PIAS2: variants seen among roughly 807,000 people sequenced by gnomAD.
PIAS2 encodes the protein E3 SUMO-protein ligase PIAS2.
A neutral mutation model predicts 69.7 loss-of-function variants in PIAS2; 19 were observed. That is an observed-to-expected ratio of 0.27 (90% CI 0.19 to 0.40). The LOEUF (loss-of-function observed/expected upper bound fraction) is 0.40. Ranked by LOEUF, PIAS2 falls within the 10% of genes least tolerant of loss-of-function variation. The pLI is 1.00. For synonymous variants in PIAS2, 261 were observed against 263.2 expected (o/e 0.99, Z 0.08); for missense variants, 624 against 757.0 (o/e 0.82, Z 2.06).
At chr18:46,845,030 T>C in intron 6 of PIAS2, 191 bp from the exon 7 acceptor site, 1 of 371,446 alleles carries the variant, frequency 2.7e-6, no homozygotes, top group East Asian at 4.2e-5. Context: ...TCAATCATTT[T>C]AAAGGTATTT....
intron 2 of PIAS2, among the ~76,000 whole-genome samples, chr18:46,871,714 G>A (rs2050387451): frequency 6.6e-6 from 1 of 152,110 alleles, no homozygotes; most frequent in African/African-American, 2.4e-5. Flanking sequence ...AGAACTTTTT[G>A]TCTTGGGGGT....
intron 11 of PIAS2, among the ~76,000 whole-genome samples, chr18:46,822,222 T>C (rs1445461257): frequency 6.6e-6 from 1 of 152,192 alleles, no homozygotes; most frequent in East Asian, 1.9e-4. Flanking sequence ...TGGATATCAA[T>C]ACAAATGTGG....
rs192398323 is a variant in PIAS2 at position 46,866,861 on chromosome 18, G to A, written c.500-2613C>T. Among the ~76,000 whole-genome samples, 519 of 152,172 alleles carry A rather than the reference G, an allele frequency of 3.4e-3. 1 individual carries two copies. Among genetic ancestry groups the A allele is most frequent in the Middle Eastern group, 0.01 (3 of 294 alleles). On this transcript the variant is annotated intron_variant, in intron 2 of 13. Transcript: ENST00000585916. ...ATCCACTCTTAGCGTGCCACAAGCA[G>A]CAGGTATCTACACCTGTAAAGTTGG...
At chr18:46,842,465 A>G (rs1164849910) in intron 8 of PIAS2, among the ~76,000 whole-genome samples, 16 of 152,264 alleles carry the variant, frequency 1.1e-4, no homozygotes, top group East Asian at 1.9e-4. Flanking sequence ...TCTTCCTGAT[A>G]CAATAGTTTG....
intron 8 of PIAS2, among the ~76,000 whole-genome samples, chr18:46,838,830 A>G (rs1161189741): frequency 6.6e-6 from 1 of 152,164 alleles, no homozygotes; most frequent in African/African-American, 2.4e-5. Flanking sequence ...CTATATCACA[A>G]ATCCAAATGG....
At chr18:46,830,015 A>G in intron 9 of PIAS2, 148 bp from the exon 10 acceptor site, 3 of 631,678 alleles carry the variant, frequency 4.7e-6, no homozygotes, top group Middle Eastern at 4.1e-4. Context: ...ACTTTACAAC[A>G]ATTATTACAC....
At chr18:46,907,690 T>C (rs762783492) in intron 1 of PIAS2, 4 of 152,310 alleles carry the variant, frequency 2.6e-5, no homozygotes, top group Non-Finnish European at 5.9e-5. Context: ...CTTATACGCA[T>C]ATTTTTTTTT....
intron 8 of PIAS2, among the ~76,000 whole-genome samples, chr18:46,839,863 CAA>C (rs58855520): frequency 6.5e-4 from 46 of 70,612 alleles, no homozygotes; most frequent in Admixed American, 9.5e-4. Context: ...AAAACTCTGT[CAA>C]AAAAAAAAAA....
At chr18:46,869,544 T>C (rs1387695471) in intron 2 of PIAS2, among the ~76,000 whole-genome samples, 2 of 152,172 alleles carry the variant, frequency 1.3e-5, no homozygotes, top group African/African-American at 2.4e-5. Context: ...ACATGTGGCA[T>C]TGAGCCTCAC....
intron 5 of PIAS2, among the ~76,000 whole-genome samples, chr18:46,850,690 C>T (rs1414132469): frequency 6.6e-6 from 1 of 152,160 alleles, no homozygotes; most frequent in Non-Finnish European, 1.5e-5. Context: ...CAGGGGATGT[C>T]AGCCTGATTC....
intron 2 of PIAS2, among the ~76,000 whole-genome samples, chr18:46,882,531 A>G (rs1474768670): frequency 6.6e-6 from 1 of 152,226 alleles, no homozygotes; most frequent in African/African-American, 2.4e-5. Flanking sequence ...CCGGGCATTT[A>G]TCCTTCATAT....
chr18:46,816,800 T>C (rs1027467465), intron 12 of PIAS2: 1 of 984,780 alleles, frequency 1.0e-6, no homozygotes, highest in African/African-American at 1.7e-5. Flanking sequence ...TGTCTGTCAC[T>C]AGCTATATGA....
chr18:46,839,475 T>C (rs1411292150), intron 8 of PIAS2, among the ~76,000 whole-genome samples: 7 of 152,226 alleles, frequency 4.6e-5, no homozygotes, highest in Non-Finnish European at 5.9e-5. Context: ...AGTACCTATT[T>C]GTCAATTTTT....
At chr18:46,865,424 C>A (rs933747234) in intron 2 of PIAS2, among the ~76,000 whole-genome samples, 2 of 151,690 alleles carry the variant, frequency 1.3e-5, no homozygotes, top group Non-Finnish European at 2.9e-5. Context: ...CCTGTAATCC[C>A]AGCTACTCCA....
At chr18:46,883,155 C>T (rs558918746) in intron 2 of PIAS2, among the ~76,000 whole-genome samples, 3 of 151,216 alleles carry the variant, frequency 2.0e-5, no homozygotes, top group East Asian at 1.9e-4. Flanking sequence ...ATAACACAAG[C>T]GGAGAAAAAA....
intron 12 of PIAS2, chr18:46,818,209 C>T: frequency 8.4e-7 from 1 of 1,196,042 alleles, no homozygotes; most frequent in Non-Finnish European, 1.0e-6. Context: ...ATAACTGCTA[C>T]ATGATTAAAT....
intron 1 of PIAS2, among the ~76,000 whole-genome samples, chr18:46,902,022 A>C (rs1259353789): frequency 6.6e-6 from 1 of 152,200 alleles, no homozygotes; most frequent in Non-Finnish European, 1.5e-5. Context: ...GAAAATCTCA[A>C]CAAATCTACA....
chr18:46,836,607 A>G, intron 8 of PIAS2, 90 bp from the exon 9 acceptor site: 1 of 786,840 alleles, frequency 1.3e-6, no homozygotes, highest in African/African-American at 1.7e-5. Flanking sequence ...GGAAGATGTC[A>G]TACAAGAAGA....
chr18:46,826,125 C>T (rs1050244920), intron 11 of PIAS2, among the ~76,000 whole-genome samples: 3 of 152,198 alleles, frequency 2.0e-5, no homozygotes, highest in African/African-American at 7.2e-5. Context: ...AATAAACTTT[C>T]ATGTGTTGCT....
Sources: allele counts gnomAD v4.1 joint callset (sites outside exome capture counted in the v4.1 genomes callset), GRCh38; gene constraint gnomAD v4.1.1; transcripts MANE v1.5; gene names NCBI Gene and HGNC (gene_info 2026-07-23, HGNC 2026-07-21).